Variants in PCDHGA4 observed in about 807,000 individuals in gnomAD.
PCDHGA4 encodes protocadherin gamma subfamily A, 4.
PCDHGA4 carries 38 observed loss-of-function variants against 54.6 expected under a neutral mutation model. That is an observed-to-expected ratio of 0.70 (90% CI 0.54 to 0.91). PCDHGA4 has a LOEUF of 0.91. PCDHGA4 is among the 40% of genes least tolerant of loss of function. PCDHGA4 has a pLI of 0.00. For missense variants in PCDHGA4, 1,298 were observed against 1,220.9 expected (o/e 1.06, Z -0.94); for synonymous variants, 511 against 512.9 (o/e 1.00, Z 0.05).
chr5:141,370,288 C>A, intron 1 of PCDHGA4: 1 of 1,009,420 alleles, frequency 9.9e-7, no homozygotes, highest in Non-Finnish European at 1.4e-6. Flanking sequence ...ATTAGAGAAC[C>A]CAAGCACAAA....
chr5:141,438,735 C>T (rs2098057719), intron 1 of PCDHGA4, among the ~76,000 whole-genome samples: 1 of 149,150 alleles, frequency 6.7e-6, no homozygotes, highest in South Asian at 2.1e-4. Context: ...GATCTCAGCT[C>T]ACTGCAACCT....
chr5:141,438,811 G>T (rs2098067148), intron 1 of PCDHGA4, among the ~76,000 whole-genome samples: 1 of 149,790 alleles, frequency 6.7e-6, no homozygotes, highest in East Asian at 2.0e-4. Context: ...ACAGGCGCCT[G>T]TCACCATGCC....
At chr5:141,383,997 T>C (rs1160859584) in intron 1 of PCDHGA4, 1 of 1,613,870 alleles carries the variant, frequency 6.2e-7, no homozygotes, top group Admixed American at 1.7e-5. Flanking sequence ...GGACAGTCAT[T>C]GCTCTTTTCT....
rs778067452 is a variant in PCDHGA4, at chr5:141,364,597, G to C, written c.2514+6976G>C. 4.3e-6 allele frequency: 7 copies of C among 1,614,088 alleles called. No individual in the cohort carries two copies. The highest frequency in any genetic ancestry group is 5.1e-6 in the Non-Finnish European group (6 of 1,180,016). ...GCGGCAGCTTGGTCACCGCGGGCAG[G>C]ATAGACCGGGAGGAGCTCTGCGCTC... On this transcript the variant is annotated intron_variant, in intron 1 of 3. Transcript: ENST00000571252.
At chr5:141,365,895 A>G in intron 1 of PCDHGA4, 1 of 1,614,212 alleles carries the variant, frequency 6.2e-7, no homozygotes, top group East Asian at 2.2e-5. Flanking sequence ...TCCTTCGACT[A>G]TGAGCAGTTG....
chr5:141,395,126 C>T, intron 1 of PCDHGA4: 3 of 1,614,196 alleles, frequency 1.9e-6, no homozygotes, highest in Non-Finnish European at 2.5e-6. Flanking sequence ...TGATCTTTCC[C>T]CAGCCCAACT....
chr5:141,441,327 C>T (rs973149197), intron 1 of PCDHGA4: 2 of 152,196 alleles, frequency 1.3e-5, no homozygotes, highest in Admixed American at 6.5e-5. Flanking sequence ...AAAAATCTTC[C>T]TCCAATAATT....
chr5:141,460,921 T>C (rs984603258), intron 1 of PCDHGA4, among the ~76,000 whole-genome samples: 4 of 151,276 alleles, frequency 2.6e-5, no homozygotes, highest in African/African-American at 9.7e-5. Flanking sequence ...TGTATATATA[T>C]ATATGTGTGT....
intron 1 of PCDHGA4, chr5:141,389,468 C>T (rs772524229): frequency 1.2e-6 from 2 of 1,613,294 alleles, no homozygotes; most frequent in East Asian, 2.2e-5. Context: ...CCTTCGAACT[C>T]ACACTGCAGG....
At chr5:141,366,041 G>A (rs755866285) in intron 1 of PCDHGA4, 5 of 1,614,114 alleles carry the variant, frequency 3.1e-6, no homozygotes, top group Admixed American at 3.3e-5. Flanking sequence ...CCCCACAGAC[G>A]GTTCCACGGG....
chr5:141,428,188 G>A (rs1023078587), intron 1 of PCDHGA4: 3 of 1,433,350 alleles, frequency 2.1e-6, no homozygotes, highest in Admixed American at 1.8e-5. Flanking sequence ...GACAGCCGCC[G>A]CTCTCTGCGC....
intron 1 of PCDHGA4, chr5:141,395,733 T>C (rs567626582): frequency 5.9e-5 from 9 of 153,748 alleles, no homozygotes; most frequent in African/African-American, 2.2e-4. Context: ...TTTCTTCACT[T>C]TAAACCTCTT....
At chr5:141,433,082 T>C in intron 1 of PCDHGA4, 1 of 1,614,188 alleles carries the variant, frequency 6.2e-7, no homozygotes. Flanking sequence ...CCAGCCCAAC[T>C]ATGCAGACAT....
intron 1 of PCDHGA4, among the ~76,000 whole-genome samples, chr5:141,381,033 C>G (rs191532708): frequency 2.0e-4 from 30 of 152,324 alleles, no homozygotes; most frequent in African/African-American, 7.2e-4. Flanking sequence ...TTCCTTTAAA[C>G]AAAATTTATC....
intron 1 of PCDHGA4, among the ~76,000 whole-genome samples, chr5:141,438,591 CATATAT>C (rs946798767): frequency 1.2e-3 from 91 of 75,538 alleles, no homozygotes; most frequent in Non-Finnish European, 1.7e-3. Flanking sequence ...TACATACATA[CATATAT>C]ATATATATAT....
chr5:141,487,491 C>A lies in PCDHGA4; in HGVS notation c.2515-7316C>A. On this transcript the variant is annotated intron_variant, in intron 1 of 3. Transcript: ENST00000571252. This position sits in a 1 kb window ranked among gnomAD's most constrained non-coding sequence, Gnocchi z 5.0. The stretch of plus-strand genomic sequence containing the variant: ...GTGGGAGGCCACTCTCATGGCTGTA[C>A]ACCCTTGGCTTCTGCACCCACTCGG... The A allele has an allele frequency of 6.2e-7, 1 of 1,614,204 alleles. No individual in the cohort carries two copies. The highest frequency in any genetic ancestry group is 8.5e-7 in the Non-Finnish European group (1 of 1,180,034).
rs1259831891 is a variant in PCDHGA4 at position 141,383,082 on chromosome 5, G to C, written c.2514+25461G>C. 36 of 1,613,934 alleles carry C rather than the reference G, an allele frequency of 2.2e-5. 1 individual carries two copies. The highest frequency in any genetic ancestry group is 3.1e-5 in the Non-Finnish European group (36 of 1,179,910). ...GGCTGGAGCCCCGGGAGCTGGCGGA[G>C]CGCGGAGTCCGCATCATCTCCAGAG... On this transcript the variant is annotated intron_variant, in intron 1 of 3. Transcript: ENST00000571252.
In PCDHGA4 at chr5:141,511,421, G is replaced by A. The variant is rs1289887363; in HGVS notation, c.*248G>A. 19 of 829,148 alleles carry A rather than the reference G, an allele frequency of 2.3e-5. No individual in the cohort carries two copies. The highest frequency in any genetic ancestry group is 3.8e-4 in the Middle Eastern group (1 of 2,640). 51.4% of individuals were successfully genotyped at this position (829,148 alleles called of 1,614,324 possible). On this transcript the variant is annotated 3_prime_UTR_variant, in exon 4 of 4. Coordinates refer to ENST00000571252, the MANE Select transcript of PCDHGA4 (RefSeq NM_018917.4). The stretch of plus-strand genomic sequence containing the variant: ...CCAATCAACTGCTGTACCCATGGGG[G>A]TAGTGGGGTTACTGTAGACACCAAG...
Position 141,408,292 on chromosome 5 carries a change from T to C in PCDHGA4, c.2514+50671T>C, listed in dbSNP as rs752767472. On this transcript the variant is annotated intron_variant, in intron 1 of 3. Coordinates refer to ENST00000571252, the MANE Select transcript of PCDHGA4 (RefSeq NM_018917.4). ...TGCCTTTGTTCTACCCCACCCTGAGTGAGCCGATCCGCTACTCGATTCCGG... is the reference window on the plus strand; with the variant it reads ...TGCCTTTGTTCTACCCCACCCTGAGCGAGCCGATCCGCTACTCGATTCCGG... The C allele has an allele frequency of 5.0e-6, 8 of 1,613,504 alleles. No homozygotes were observed. The South Asian group carries it at 8.8e-5, about 18-fold the overall frequency.
Sources: allele counts gnomAD v4.1 joint callset (sites outside exome capture counted in the v4.1 genomes callset), GRCh38; gene constraint gnomAD v4.1.1; non-coding constraint Gnocchi (gnomAD v3.1); transcripts MANE v1.5; gene names NCBI Gene and HGNC (gene_info 2026-07-23, HGNC 2026-07-21).